Variants in PDE4B observed in about 807,000 individuals in gnomAD.
PDE4B encodes 3',5'-cyclic-AMP phosphodiesterase 4B.
PDE4B carries 20 observed loss-of-function variants against 82.2 expected under a neutral mutation model. That is an observed-to-expected ratio of 0.24 (90% confidence interval 0.17 to 0.35). The LOEUF (loss-of-function observed/expected upper bound fraction) is 0.35, where lower values mean the gene tolerates loss of function less well. PDE4B is among the 10% of genes least tolerant of loss of function. The pLI, the probability that PDE4B is intolerant of heterozygous loss-of-function variation, is 1.00. For missense variants in PDE4B, 655 were observed against 907.2 expected, an observed-to-expected ratio of 0.72 and a Z score of 3.57; for synonymous variants, 320 against 318.9, an observed-to-expected ratio of 1.00 and a Z score of -0.04.
At chr1:66,079,099 A>T (rs1264248159) in intron 3 of PDE4B, among the ~76,000 whole-genome samples, 1 of 152,026 alleles carries the variant, frequency 6.6e-6, no homozygotes, top group Non-Finnish European at 1.5e-5. Flanking sequence ...AAACAGAATT[A>T]AAAATGAAAA....
intron 3 of PDE4B, among the ~76,000 whole-genome samples, chr1:65,969,800 T>C (rs1052829792): frequency 6.6e-6 from 1 of 152,122 alleles, no homozygotes; most frequent in Non-Finnish European, 1.5e-5. Flanking sequence ...TCTTTATTTC[T>C]TTTTCCCTTG....
chr1:66,371,021 A>AAT (rs1553178092), intron 16 of PDE4B, among the ~76,000 whole-genome samples: 11 of 145,804 alleles, frequency 7.5e-5, no homozygotes, highest in South Asian at 6.5e-4. Context: ...AGAATAAGAA[A>AAT]ATATATATAT....
chr1:66,247,361 C>T, intron 3 of PDE4B, 99 bp from the exon 4 acceptor site: 3 of 645,302 alleles, frequency 4.6e-6, no homozygotes, highest in Non-Finnish European at 7.8e-6. Context: ...ATGTAAAATG[C>T]TTAGTGTATA....
At chr1:66,115,884 T>C (rs1645584616) in intron 3 of PDE4B, among the ~76,000 whole-genome samples, 1 of 152,260 alleles carries the variant, frequency 6.6e-6, no homozygotes, top group African/African-American at 2.4e-5. Flanking sequence ...AGTTAACTTA[T>C]TTGACTCCTG....
Position 66,107,122 on chromosome 1 carries a change from A to G in PDE4B, c.282-140338A>G, listed in dbSNP as rs147271336. ...ACACGGCTTTGAATGTGTCCCAGAG[A>G]TTCTGGTATGTTGTGTCTTTGTTCT... is the stretch of plus-strand genomic sequence containing the variant. On this transcript the variant is annotated intron_variant, in intron 3 of 16. Transcript: ENST00000341517. Among the ~76,000 whole-genome samples, 397 of 149,804 alleles carry G rather than the reference A, an allele frequency of 2.7e-3. 2 individuals carry two copies. The highest frequency in any genetic ancestry group is 9.1e-3 in the African/African-American group (372 of 40,954).
intron 3 of PDE4B, among the ~76,000 whole-genome samples, chr1:66,176,878 C>T (rs1646941105): frequency 6.6e-6 from 1 of 152,196 alleles, no homozygotes; most frequent in South Asian, 2.1e-4. Flanking sequence ...ATTGAGAGTG[C>T]TACTCTCTTT....
At chr1:65,902,196 A>G (rs528732919) in intron 1 of PDE4B, among the ~76,000 whole-genome samples, 11 of 152,130 alleles carry the variant, frequency 7.2e-5, no homozygotes, top group African/African-American at 2.6e-4. Flanking sequence ...GACTTAATTT[A>G]TGGATGAGTC....
intron 7 of PDE4B, among the ~76,000 whole-genome samples, chr1:66,286,009 C>T (rs1656649902): frequency 6.6e-6 from 1 of 152,164 alleles, no homozygotes; most frequent in South Asian, 2.1e-4. Flanking sequence ...CACACTTTCC[C>T]ATCATAAACT....
intron 3 of PDE4B, among the ~76,000 whole-genome samples, chr1:66,004,297 T>A (rs558676518): frequency 1.3e-5 from 2 of 152,254 alleles, no homozygotes; most frequent in Admixed American, 1.3e-4. Flanking sequence ...TAAAGATCTT[T>A]ATAACATGGT....
At chr1:66,257,451 T>A (rs1654324372) in intron 4 of PDE4B, 196 bp from the exon 5 acceptor site, 1 of 765,780 alleles carries the variant, frequency 1.3e-6, no homozygotes, top group Non-Finnish European at 2.4e-6. Context: ...GAGTCATGAA[T>A]CTAGTACTAA....
intron 3 of PDE4B, among the ~76,000 whole-genome samples, chr1:65,963,738 G>T (rs1422256920): frequency 6.6e-6 from 1 of 152,140 alleles, no homozygotes; most frequent in East Asian, 1.9e-4. Context: ...GGCCTGAGGC[G>T]AGCCCTGTCA....
intron 3 of PDE4B, among the ~76,000 whole-genome samples, chr1:66,177,565 T>C (rs1307629700): frequency 6.6e-6 from 1 of 152,210 alleles, no homozygotes; most frequent in Non-Finnish European, 1.5e-5. Context: ...TAATAATCAC[T>C]CTGTAAACTT....
intron 3 of PDE4B, among the ~76,000 whole-genome samples, chr1:66,160,520 A>G (rs923267539): frequency 2.6e-5 from 4 of 152,150 alleles, no homozygotes; most frequent in Non-Finnish European, 5.9e-5. Context: ...GGTTCTAATA[A>G]CCTTCTGCTC....
At chr1:66,226,840 A>G (rs1210246842) in intron 3 of PDE4B, among the ~76,000 whole-genome samples, 1 of 152,258 alleles carries the variant, frequency 6.6e-6, no homozygotes, top group African/African-American at 2.4e-5. Flanking sequence ...AATAGTTTAT[A>G]GAATCAAAGA....
At chr1:66,120,496 T>C (rs1557576044) in intron 3 of PDE4B, among the ~76,000 whole-genome samples, 1 of 152,190 alleles carries the variant, frequency 6.6e-6, no homozygotes, top group Non-Finnish European at 1.5e-5. Flanking sequence ...AGGCCAGATA[T>C]TTTACATTAG....
chr1:65,881,302 G>A (rs1226990927), intron 1 of PDE4B, among the ~76,000 whole-genome samples: 7 of 152,144 alleles, frequency 4.6e-5, no homozygotes, highest in Admixed American at 4.6e-4. Context: ...TTTCTGGGCA[G>A]CCTGCATTCA....
chr1:65,846,710 A>C (rs1232624154), intron 1 of PDE4B, among the ~76,000 whole-genome samples: 1 of 152,180 alleles, frequency 6.6e-6, no homozygotes, highest in Non-Finnish European at 1.5e-5. Context: ...AAAGCTCTAG[A>C]ATTCTAGCTG....
At chr1:66,127,565 T>C (rs1645848992) in intron 3 of PDE4B, among the ~76,000 whole-genome samples, 1 of 152,142 alleles carries the variant, frequency 6.6e-6, no homozygotes, top group Non-Finnish European at 1.5e-5. Context: ...TTAACTAATA[T>C]CAGAATTAGT....
chr1:66,359,193 AGATGCAAGGAAAAGAG>A (rs1662556616), intron 9 of PDE4B, among the ~76,000 whole-genome samples: 1 of 152,258 alleles, frequency 6.6e-6, no homozygotes, highest in African/African-American at 2.4e-5. Context: ...AGAATTTTCA[AGATGCAAGGAAAAGAG>A]CTTAGGAATT....
Sources: gnomAD v4.1 joint callset for allele counts (sites outside exome capture counted in the v4.1 genomes callset) on GRCh38, gnomAD v4.1.1 for gene constraint, MANE v1.5 for transcripts, NCBI Gene and HGNC (gene_info 2026-07-23, HGNC 2026-07-21) for gene names.